The following NDNF variants were observed in gnomAD, a reference collection of about 807,000 sequenced individuals.
NDNF encodes the protein neuron derived neurotrophic factor, also known as protein NDNF.
NDNF carries 16 observed loss-of-function variants against 42.0 expected under a neutral mutation model. The ratio of observed to expected loss-of-function variants is 0.38; its 90% CI spans 0.26 to 0.58. The LOEUF (loss-of-function observed/expected upper bound fraction) is 0.58, where lower values mean the gene tolerates loss of function less well. Ranked by LOEUF, NDNF falls within the 20% of genes least tolerant of loss-of-function variation. The probability of loss-of-function intolerance (pLI) is 0.67; values close to 1 mark genes in which losing one functional copy is unlikely to be tolerated. For missense variants in NDNF, 616 were observed against 666.2 expected, an observed-to-expected ratio of 0.92 and a Z score of 0.83; for synonymous variants, 248 against 251.7, an observed-to-expected ratio of 0.99 and a Z score of 0.14.
chr4:121,048,596 T>C (rs1207415007), intron 1 of NDNF, among the ~76,000 whole-genome samples: 1 of 152,202 alleles, frequency 6.6e-6, no homozygotes, highest in Non-Finnish European at 1.5e-5. Flanking sequence ...TCCCAGCACT[T>C]TGGGAGGCCA....
At chr4:121,039,144 T>TATATATATATAC (rs70948374) in intron 3 of NDNF, among the ~76,000 whole-genome samples, 4 of 22,802 alleles carry the variant, frequency 1.8e-4, no homozygotes, top group Non-Finnish European at 2.7e-4. Flanking sequence ...TATATATATG[T>TATATATATATAC]GTATATATAT....
At chr4:121,045,113 G>A (rs984493130) in intron 2 of NDNF, among the ~76,000 whole-genome samples, 1 of 152,204 alleles carries the variant, frequency 6.6e-6, no homozygotes, top group Non-Finnish European at 1.5e-5. Flanking sequence ...AGCATTTTGG[G>A]CGGCCAAAGA....
chr4:121,039,190 GTGTATATATATATATATATATA>G lies in NDNF; in HGVS notation c.313+718_313+739del, dbSNP rs1458941061. On this transcript the variant is annotated intron_variant, in intron 3 of 3. Coordinates refer to ENST00000379692, the MANE Select transcript of NDNF (RefSeq NM_024574.4). Reference sequence around the variant, plus strand: ...ATATATAAAGACTATGTGTGTGTGTGTGTATATATATATATATATATATATATATATATATATATATATATAA... The same window carrying G: ...ATATATAAAGACTATGTGTGTGTGTGTATATATATATATATATATATATAA... Among the ~76,000 whole-genome samples the G allele has an allele frequency of 4.4e-4, 30 of 68,004 alleles. 1 individual carries two copies. Among genetic ancestry groups the G allele is most frequent in the African/African-American group, 2.3e-3 (29 of 12,842 alleles). 44.6% of individuals were successfully genotyped at this position (68,004 alleles called of 152,430 possible).
At chr4:121,056,577 A>G (rs997082484) in intron 1 of NDNF, among the ~76,000 whole-genome samples, 1 of 152,248 alleles carries the variant, frequency 6.6e-6, no homozygotes, top group African/African-American at 2.4e-5. Flanking sequence ...ACAGCAAGAA[A>G]AAAAGATTCT....
chr4:121,057,679 A>G (rs973060219), intron 1 of NDNF, among the ~76,000 whole-genome samples: 5 of 152,228 alleles, frequency 3.3e-5, no homozygotes, highest in African/African-American at 4.8e-5. Flanking sequence ...ACATAAAGGC[A>G]TATCTGACAA....
In NDNF at chr4:121,038,005, G is replaced by T. The variant is rs543918693; in HGVS notation, c.314-348C>A. ...TTGCATTTGGATGGCCAGCCATTTT[G>T]CTAATTTCACGGCTGTTAGAAGGAC... On this transcript the variant is annotated intron_variant, in intron 3 of 3. Coordinates refer to ENST00000379692, the MANE Select transcript of NDNF (RefSeq NM_024574.4). 5.0e-5 allele frequency: 10 copies of T among 201,134 alleles called. No individual in the cohort carries two copies. In the South Asian group the frequency reaches 1.3e-3, roughly 27 times the overall value. 12.5% of individuals were successfully genotyped at this position (201,134 alleles called of 1,614,324 possible).
chr4:121,037,659 T>C lies in NDNF; in HGVS notation c.314-2A>G. The C allele has an allele frequency of 6.4e-7, 1 of 1,566,270 alleles. No homozygotes were observed. Among genetic ancestry groups the C allele is most frequent in the Non-Finnish European group, 8.6e-7 (1 of 1,162,592 alleles). Reference sequence around the variant, plus strand: ...GCTGCTCAAGAGGTTCCAGATCACCTAGAAAATACAGGAGAAGCACAGGCT... The same window carrying C: ...GCTGCTCAAGAGGTTCCAGATCACCCAGAAAATACAGGAGAAGCACAGGCT... On this transcript the variant is annotated splice_acceptor_variant, in intron 3 of 3. Transcript: ENST00000379692. LOFTEE classifies it high-confidence loss of function.
At chr4:121,070,489 C>T (rs990267006) in intron 1 of NDNF, among the ~76,000 whole-genome samples, 1 of 151,938 alleles carries the variant, frequency 6.6e-6, no homozygotes, top group East Asian at 1.9e-4. Context: ...CGCTCAGGGA[C>T]CGGGTGGGAG....
chr4:121,039,208 A>AAAGACTCTGTATGTG (rs1321895629), intron 3 of NDNF, among the ~76,000 whole-genome samples: 1 of 93,796 alleles, frequency 1.1e-5, no homozygotes, highest in Non-Finnish European at 2.1e-5. Context: ...ATATATATAT[A>AAAGACTCTGTATGTG]TATATATATA....
Position 121,036,519 on chromosome 4 carries a change from T to G in NDNF, c.1452A>C (p.Glu484Asp), listed in dbSNP as rs1008241793. The change falls in exon 4 of 4, where the codon GAA (glutamate) becomes GAC (aspartate). Residue 484 changes from glutamate to aspartate, a missense_variant. Coordinates refer to ENST00000379692, the MANE Select transcript of NDNF (RefSeq NM_024574.4). Reference protein sequence around the residue: ...ERNKFCIYKKEVDDNYNEDQK... With the variant: ...ERNKFCIYKKDVDDNYNEDQK... ...GGTCTTCATTGTAGTTATCATCCAC[T>G]TCTTTTTTGTAGATGCAAAACTTGT... 1 of 1,614,200 alleles carries G rather than the reference T, an allele frequency of 6.2e-7. No individual in the cohort carries two copies. The highest frequency in any genetic ancestry group is 8.5e-7 in the Non-Finnish European group (1 of 1,180,032).
chr4:121,046,397 G>A (rs930770074), intron 1 of NDNF, among the ~76,000 whole-genome samples: 6 of 152,216 alleles, frequency 3.9e-5, no homozygotes, highest in Admixed American at 3.9e-4. Context: ...CTGACTAGGG[G>A]TTATACATAT....
intron 2 of NDNF, among the ~76,000 whole-genome samples, chr4:121,044,790 C>T (rs1445641672): frequency 6.6e-6 from 1 of 152,042 alleles, no homozygotes; most frequent in Non-Finnish European, 1.5e-5. Context: ...CATAGTGAGA[C>T]ACCATCTCTA....
chr4:121,070,487 G>A (rs1442549552), intron 1 of NDNF, among the ~76,000 whole-genome samples: 1 of 152,078 alleles, frequency 6.6e-6, no homozygotes, highest in African/African-American at 2.4e-5. Context: ...GGCGCTCAGG[G>A]ACCGGGTGGG....
intron 2 of NDNF, among the ~76,000 whole-genome samples, chr4:121,041,636 G>A (rs2148764077): frequency 6.6e-6 from 1 of 152,274 alleles, no homozygotes; most frequent in Non-Finnish European, 1.5e-5. Flanking sequence ...TGCTTTTTTA[G>A]GAGATTCCTC....
intron 3 of NDNF, among the ~76,000 whole-genome samples, chr4:121,038,391 T>TAAAAC (rs55986130): frequency 1.3e-5 from 2 of 149,386 alleles, no homozygotes; most frequent in African/African-American, 2.4e-5. Flanking sequence ...TAAAATAAAA[T>TAAAAC]AAAACAAAAC....
chr4:121,062,018 T>C (rs930901081), intron 1 of NDNF, among the ~76,000 whole-genome samples: 12 of 152,236 alleles, frequency 7.9e-5, no homozygotes, highest in Non-Finnish European at 1.5e-5. Context: ...CTTCAAATAG[T>C]GTAAGCCAGT....
chr4:121,038,454 A>C (rs1211400208), intron 3 of NDNF, among the ~76,000 whole-genome samples: 1 of 152,242 alleles, frequency 6.6e-6, no homozygotes, highest in Admixed American at 6.5e-5. Context: ...ACGTGCACCC[A>C]GGAATAACAC....
Position 121,039,202 on chromosome 4 carries a change from A to AAAGAC in NDNF, c.313+727_313+728insGTCTT, listed in dbSNP as rs1560603272. On this transcript the variant is annotated intron_variant, in intron 3 of 3. Coordinates refer to ENST00000379692, the MANE Select transcript of NDNF (RefSeq NM_024574.4). ...TATGTGTGTGTGTGTGTATATATAT[A>AAAGAC]TATATATATATATATATATATATAT... 2.8e-3 allele frequency among the ~76,000 whole-genome samples: 77 copies of AAAGAC among 27,782 alleles called. 8 individuals are homozygous for AAAGAC. Among genetic ancestry groups the AAAGAC allele is most frequent in the Middle Eastern group, 0.013 (1 of 78 alleles). 18.2% of individuals were successfully genotyped at this position (27,782 alleles called of 152,430 possible). A position where few individuals can be genotyped will look rare whatever the true frequency, so the allele number is the denominator to read the frequency against.
In NDNF at chr4:121,047,208, C is replaced by A. The variant is rs138975317; in HGVS notation, c.-1-1370G>T. Among the ~76,000 whole-genome samples, 507 of 152,284 alleles carry A rather than the reference C, an allele frequency of 3.3e-3. 2 individuals are homozygous for A. The highest frequency in any genetic ancestry group is 5.4e-3 in the Non-Finnish European group (370 of 68,020). On this transcript the variant is annotated intron_variant, in intron 1 of 3. Coordinates refer to ENST00000379692, the MANE Select transcript of NDNF (RefSeq NM_024574.4). ...TATAGTTTGAAAGAAATAACATTCT[C>A]TTTTTTACAATGTGGACATGAGAGT...
Sources: allele counts gnomAD v4.1 joint callset (sites outside exome capture counted in the v4.1 genomes callset), GRCh38; gene constraint gnomAD v4.1.1; transcripts MANE v1.5; gene names NCBI Gene and HGNC (gene_info 2026-07-23, HGNC 2026-07-21).